C17orf107: variants seen among roughly 807,000 people sequenced by gnomAD.
C17orf107 encodes uncharacterized protein C17orf107.
C17orf107 carries 9 observed loss-of-function variants against 8.9 expected under a neutral mutation model. That is an observed-to-expected ratio of 1.02 (90% CI 0.61 to 1.77). The LOEUF (loss-of-function observed/expected upper bound fraction) is 1.77. C17orf107 is among the 40% of genes most tolerant of loss of function. The pLI is 0.00. For synonymous variants in C17orf107, 139 were observed against 120.3 expected (o/e 1.16, Z -1.02); for missense variants, 281 against 249.0 (o/e 1.13, Z -0.86).
downstream of C17orf107, chr17:4,903,209 G>A (rs1461670707): frequency 6.0e-6 from 5 of 838,788 alleles, no homozygotes; most frequent in Non-Finnish European, 9.8e-6. Context: ...TGCTGCAGCT[G>A]GGGACATTTT....
At position 4,900,722 on chromosome 17, in the gene C17orf107, G is replaced by C. The variant is rs1465232868; in HGVS notation, c.*189G>C. On this transcript the variant is annotated 3_prime_UTR_variant, in exon 3 of 3. Coordinates refer to ENST00000381365, the MANE Select transcript of C17orf107 (RefSeq NM_001145536.2). The stretch of plus-strand genomic sequence containing the variant: ...GGGCGAGACAGCCAGAGCTTTTCCC[G>C]GGGTCTCTGGGTTTTGGCCACGCCC... 8.0e-6 allele frequency: 12 copies of C among 1,507,448 alleles called. No homozygotes were observed. The Admixed American group carries it at 1.2e-4, about 15-fold the overall frequency. 93.4% of individuals were successfully genotyped at this position (1,507,448 alleles called of 1,614,324 possible). A position where few individuals can be genotyped will look rare whatever the true frequency, so the allele number is the denominator to read the frequency against.
chr17:4,903,223 T>C, downstream of C17orf107: 2 of 763,504 alleles, frequency 2.6e-6, no homozygotes, highest in Non-Finnish European at 4.5e-6. Context: ...ACATTTTGGC[T>C]GCTTCCAGAG....
chr17:4,900,854 A>C lies in C17orf107; in HGVS notation c.*321A>C, dbSNP rs756844933. On this transcript the variant is annotated 3_prime_UTR_variant, in exon 3 of 3. Coordinates refer to ENST00000381365, the MANE Select transcript of C17orf107 (RefSeq NM_001145536.2). ...ATTTTCTGGGCAATGAGGAACAAGA[A>C]GACGGTCTGGGCGAGCAGGACGTTG... The C allele has an allele frequency of 7.4e-6, 12 of 1,614,074 alleles. No homozygotes were observed. Among genetic ancestry groups the C allele is most frequent in the Admixed American group, 6.7e-5 (4 of 60,008 alleles).
Position 4,901,493 on chromosome 17 carries a change from A to G in C17orf107, c.*960A>G, listed in dbSNP as rs2151097696. 3 of 1,599,180 alleles carry G rather than the reference A, an allele frequency of 1.9e-6. No individual in the cohort carries two copies. The East Asian group carries it at 6.7e-5, about 36-fold the overall frequency. ...GTCCCCTCTCTGGACCCCGTCTAGA[A>G]GCGGGTTTTTCTGAGCAGGCAGGGG... On this transcript the variant is annotated 3_prime_UTR_variant, in exon 3 of 3. Coordinates refer to ENST00000381365, the MANE Select transcript of C17orf107 (RefSeq NM_001145536.2).
At position 4,900,373 on chromosome 17, in the gene C17orf107, C is replaced by G. The variant is rs1172532146; in HGVS notation, c.413C>G (p.Ala138Gly). ...GGGCAGGGGGTTCGGCAAGCTGGGGCTGCGGTGGGCGCCAGCGCCCGGCTC... is the reference window on the plus strand; with the variant it reads ...GGGCAGGGGGTTCGGCAAGCTGGGGGTGCGGTGGGCGCCAGCGCCCGGCTC... ...AAGQGVRQAGAAVGASARLLV... is the reference protein window; with the variant it reads ...AAGQGVRQAGGAVGASARLLV... The change falls in exon 3 of 3, where the codon GCT (alanine) becomes GGT (glycine). Residue 138 changes from alanine to glycine, a missense_variant. Transcript: ENST00000381365. 4 of 1,549,492 alleles carry G rather than the reference C, an allele frequency of 2.6e-6. No individual in the cohort carries two copies. The highest frequency in any genetic ancestry group is 3.5e-6 in the Non-Finnish European group (4 of 1,146,574).
Position 4,900,901 on chromosome 17 carries a change from C to A in C17orf107, c.*368C>A, listed in dbSNP as rs1420102141. On this transcript the variant is annotated 3_prime_UTR_variant, in exon 3 of 3. Coordinates refer to ENST00000381365, the MANE Select transcript of C17orf107 (RefSeq NM_001145536.2). ...GTTGATGGAGACCGTGCATTTCTGG[C>A]CGCCGGCTGGAGGGAGAGCCAGTGA... The A allele has an allele frequency of 1.2e-6, 2 of 1,614,180 alleles. No individual in the cohort carries two copies. The highest frequency in any genetic ancestry group is 1.7e-6 in the Non-Finnish European group (2 of 1,180,000).
chr17:4,900,487 T>G lies in C17orf107; in HGVS notation c.527T>G (p.Leu176Arg). Residue 176 changes from leucine (L) to arginine (R), a missense_variant, in exon 3 of 3, where the codon CTC becomes CGC. By Grantham distance (102) the Leu-to-Arg change is moderately radical. Transcript: ENST00000381365. The part of the protein sequence containing the change: ...FLRQSQQQLG[L>R]GIPGEPVSSG... ...CGACAGTCGCAACAGCAGCTAGGCC[T>G]CGGAATCCCCGGAGAACCGGTGAGC... 1 of 1,550,972 alleles carries G rather than the reference T, an allele frequency of 6.4e-7. No homozygotes were observed. The highest frequency in any genetic ancestry group is 8.7e-7 in the Non-Finnish European group (1 of 1,146,960).
At chr17:4,903,951 G>A (rs1011710521), downstream of C17orf107, among the ~76,000 whole-genome samples, 15 of 152,104 alleles carry the variant, frequency 9.9e-5, no homozygotes, top group Non-Finnish European at 2.1e-4. Flanking sequence ...TCCGCCTCCC[G>A]GGTTCAAGCG....
In C17orf107 at chr17:4,900,799, A is replaced by T; in HGVS notation, c.*266A>T. 6 of 1,613,656 alleles carry T rather than the reference A, an allele frequency of 3.7e-6. No homozygotes were observed. The highest frequency in any genetic ancestry group is 2.2e-5 in the South Asian group (2 of 91,048). ...GCGGGGGCTCCGGCTTCACCTGCCC[A>T]GGAGCGGCACGCTCAGAGAAGTCTC... On this transcript the variant is annotated 3_prime_UTR_variant, in exon 3 of 3. Coordinates refer to ENST00000381365, the MANE Select transcript of C17orf107 (RefSeq NM_001145536.2).
In C17orf107 at chr17:4,901,783, G is replaced by A; in HGVS notation, c.*1250G>A. On this transcript the variant is annotated 3_prime_UTR_variant, in exon 3 of 3. Coordinates refer to ENST00000381365, the MANE Select transcript of C17orf107 (RefSeq NM_001145536.2). ...GCCTCTGTTCCCATCTGTACCTCCG[G>A]CCGCGCTGGAGCGTCCCACCCAGTG... 6 of 1,327,308 alleles carry A rather than the reference G, an allele frequency of 4.5e-6. No individual in the cohort carries two copies. The highest frequency in any genetic ancestry group is 6.4e-6 in the Non-Finnish European group (6 of 937,820). The allele number at this position is 1,327,308 out of a possible 1,614,324, so 82.2% of individuals were successfully genotyped here.
intron 1 of C17orf107, 30 bp from the exon 2 acceptor site, chr17:4,899,906 T>C (rs1035246165): frequency 9.7e-6 from 15 of 1,549,010 alleles, no homozygotes; most frequent in Non-Finnish European, 1.3e-5. Flanking sequence ...ACCCCTGCCC[T>C]GCTACTCTAC....
In C17orf107 at chr17:4,902,900, G is replaced by C. The variant is rs1223135367; in HGVS notation, c.*2367G>C. 2.4e-5 allele frequency: 38 copies of C among 1,581,162 alleles called. No homozygotes were observed. The highest frequency in any genetic ancestry group is 2.9e-5 in the Non-Finnish European group (33 of 1,151,016). On this transcript the variant is annotated 3_prime_UTR_variant, in exon 3 of 3. Transcript: ENST00000381365. The surrounding 1 kb of genome is among the most constrained non-coding windows in gnomAD (Gnocchi z 4.0). Reference sequence around the variant, plus strand: ...ATCTGTCTCCTAAACCAATTATGCTGTGCCTGGGAACGAAATACTGTGTCT... The same window carrying C: ...ATCTGTCTCCTAAACCAATTATGCTCTGCCTGGGAACGAAATACTGTGTCT...
downstream of C17orf107, among the ~76,000 whole-genome samples, chr17:4,906,681 C>T (rs1262445532): frequency 6.6e-6 from 1 of 151,786 alleles, no homozygotes. Context: ...AGTGAGACCT[C>T]ATCTGTAAAT....
chr17:4,906,341 G>A (rs760410867), downstream of C17orf107, among the ~76,000 whole-genome samples: 8 of 152,092 alleles, frequency 5.3e-5, no homozygotes, highest in African/African-American at 7.2e-5. Flanking sequence ...CTCCCAAAAC[G>A]GCCTGCCAGG....
chr17:4,903,005 C>T (rs1393368717), downstream of C17orf107: 1 of 1,613,948 alleles, frequency 6.2e-7, no homozygotes, highest in East Asian at 2.2e-5. Context: ...GCCCCTCTAG[C>T]CCCTGTCCGT....
In C17orf107 at chr17:4,900,121, G is replaced by A. The variant is rs924656972; in HGVS notation, c.252G>A (p.Val84=). ...TGAGAGAAGCCACAGCCAGCCTCGTGAGCTTCGGCACCACCTTGTTAGAGG... is the reference window on the plus strand; with the variant it reads ...TGAGAGAAGCCACAGCCAGCCTCGTAAGCTTCGGCACCACCTTGTTAGAGG... ...LVLREATASL[V]SFGTTLLEIS... The change falls in exon 2 of 3, where the codon GTG becomes GTA. Residue 84 remains valine (V), a synonymous_variant. Transcript: ENST00000381365. 1.9e-6 allele frequency: 3 copies of A among 1,550,576 alleles called. No homozygotes were observed. Among genetic ancestry groups the A allele is most frequent in the Non-Finnish European group, 2.6e-6 (3 of 1,146,930 alleles).
At position 4,901,713 on chromosome 17, in the gene C17orf107, G is replaced by T. The variant is rs926605159; in HGVS notation, c.*1180G>T. ...AGCCCTGGAAGCTGGGATCTAGCGG[G>T]GCCGCGATCCCAAGCCCACCCCTTC... On this transcript the variant is annotated 3_prime_UTR_variant, in exon 3 of 3. Coordinates refer to ENST00000381365, the MANE Select transcript of C17orf107 (RefSeq NM_001145536.2). 29 of 1,381,876 alleles carry T rather than the reference G, an allele frequency of 2.1e-5. No individual in the cohort carries two copies. Among genetic ancestry groups the T allele is most frequent in the Non-Finnish European group, 3.0e-5 (29 of 981,972 alleles). The allele number at this position is 1,381,876 out of a possible 1,614,324, so 85.6% of individuals were successfully genotyped here. A position where few individuals can be genotyped will look rare whatever the true frequency, so the allele number is the denominator to read the frequency against.
In C17orf107 at chr17:4,900,679, C is replaced by T. The variant is rs919252917; in HGVS notation, c.*146C>T. 3.2e-5 allele frequency: 46 copies of T among 1,449,186 alleles called. No individual in the cohort carries two copies. The highest frequency in any genetic ancestry group is 4.2e-5 in the African/African-American group (3 of 70,886). The allele number at this position is 1,449,186 out of a possible 1,614,324, so 89.8% of individuals were successfully genotyped here. A position where few individuals can be genotyped will look rare whatever the true frequency, so the allele number is the denominator to read the frequency against. On this transcript the variant is annotated 3_prime_UTR_variant, in exon 3 of 3. Coordinates refer to ENST00000381365, the MANE Select transcript of C17orf107 (RefSeq NM_001145536.2). ...CCCCGTACCAGCCCCACCCAGCGTC[C>T]GAATAAAGCCCAGGGCGGGGCGAGA... is the stretch of plus-strand genomic sequence containing the variant.
chr17:4,906,249 A>G (rs146216537), downstream of C17orf107, among the ~76,000 whole-genome samples: 1,394 of 152,240 alleles, frequency 9.2e-3, 70 homozygotes, highest in Admixed American at 0.085. Flanking sequence ...TTTAGGATGG[A>G]TAGTGGGTGT....
Sources: allele counts gnomAD v4.1 joint callset (sites outside exome capture counted in the v4.1 genomes callset), GRCh38; gene constraint gnomAD v4.1.1; non-coding constraint Gnocchi (gnomAD v3.1); transcripts MANE v1.5; gene names NCBI Gene and HGNC (gene_info 2026-07-23, HGNC 2026-07-21).